The following DPP4 variants were observed in gnomAD, a reference collection of about 807,000 sequenced individuals.
DPP4 encodes the protein ADCP-2.
DPP4 carries 93 observed loss-of-function variants against 122.4 expected under a neutral mutation model. The ratio of observed to expected loss-of-function variants is 0.76; its 90% CI spans 0.64 to 0.90. The LOEUF (loss-of-function observed/expected upper bound fraction) is 0.90, where lower values mean the gene tolerates loss of function less well. Among genes scored for constraint, DPP4 ranks in the 40% least tolerant of loss-of-function variants. The pLI is 0.00. For synonymous variants in DPP4, 321 were observed against 302.9 expected (o/e 1.06, Z -0.62); for missense variants, 914 against 907.3 (o/e 1.01, Z -0.09).
chr2:162,010,641 G>A (rs2106088257), intron 20 of DPP4, among the ~76,000 whole-genome samples: 1 of 152,298 alleles, frequency 6.6e-6, no homozygotes, highest in East Asian at 1.9e-4. Context: ...CTCTCTCATA[G>A]AGGAGCGATC....
At chr2:162,008,437 A>G (rs1701338515) in intron 22 of DPP4, 125 bp downstream of exon 22, 1 of 739,650 alleles carries the variant, frequency 1.4e-6, no homozygotes, top group Non-Finnish European at 2.3e-6. Flanking sequence ...TCCAAAAAGA[A>G]CCTCTAAGAT....
At chr2:162,044,516 C>T (rs1284710757) in intron 5 of DPP4, among the ~76,000 whole-genome samples, 4 of 151,020 alleles carry the variant, frequency 2.6e-5, no homozygotes, top group Non-Finnish European at 5.9e-5. Flanking sequence ...GTTGGTGTCT[C>T]CTCAATATTA....
chr2:162,033,502 A>C (rs1389094954), intron 10 of DPP4, 39 bp downstream of exon 10: 2 of 1,533,132 alleles, frequency 1.3e-6, no homozygotes. Context: ...GAAAGTGTAA[A>C]ACTGTTTACA....
chr2:162,059,601 A>T (rs1684692667), intron 2 of DPP4, among the ~76,000 whole-genome samples: 1 of 152,214 alleles, frequency 6.6e-6, no homozygotes, highest in Non-Finnish European at 1.5e-5. Context: ...GAGTAAAGGA[A>T]ATCTGCATTT....
At chr2:162,013,692 T>A (rs1401762925) in intron 19 of DPP4, among the ~76,000 whole-genome samples, 1 of 152,160 alleles carries the variant, frequency 6.6e-6, no homozygotes, top group Non-Finnish European at 1.5e-5. Context: ...ACTAGTGTTG[T>A]TTCATTTTGT....
chr2:162,032,457 GCGGGCAGATCATGAGTCAGGAGTT>G (rs58383476), intron 10 of DPP4, among the ~76,000 whole-genome samples: 2 of 152,246 alleles, frequency 1.3e-5, no homozygotes, highest in East Asian at 3.9e-4. Flanking sequence ...GGAGGCCAAG[GCGGGCAGATCATGAGTCAGGAGTT>G]CGAGACCAGC....
intron 2 of DPP4, among the ~76,000 whole-genome samples, chr2:162,053,435 A>C (rs1410500270): frequency 2.0e-5 from 3 of 152,246 alleles, no homozygotes; most frequent in Non-Finnish European, 4.4e-5. Context: ...TTTAAAAAAA[A>C]AAAACAAAAA....
chr2:162,002,905 GAT>G (rs1243997808), intron 23 of DPP4, among the ~76,000 whole-genome samples: 1 of 152,188 alleles, frequency 6.6e-6, no homozygotes, highest in Admixed American at 6.5e-5. Flanking sequence ...TCTCCACATA[GAT>G]TCAGTTCTCC....
chr2:162,028,064 A>AC lies in DPP4; in HGVS notation c.888-3126_888-3125insG, dbSNP rs1683400768. 5.9e-5 allele frequency among the ~76,000 whole-genome samples: 9 copies of AC among 151,922 alleles called. No individual in the cohort carries two copies. In the South Asian group the frequency reaches 1.9e-3, roughly 32 times the overall value. ...AGATGTCAAAGAATCATTTAAAAAA[A>AC]AAAAAAACAAAAAACTGCCAGGTGC... On this transcript the variant is annotated intron_variant, in intron 10 of 25. Transcript: ENST00000360534.
intron 23 of DPP4, among the ~76,000 whole-genome samples, chr2:162,002,443 CT>C (rs1226035702): frequency 6.6e-6 from 1 of 152,152 alleles, no homozygotes; most frequent in Non-Finnish European, 1.5e-5. Context: ...GGCTATTTAG[CT>C]GAAAACATGG....
At chr2:162,073,362 C>CCTATCTTTTT in intron 2 of DPP4, 37 bp downstream of exon 2, 2 of 1,607,936 alleles carry the variant, frequency 1.2e-6, no homozygotes, top group Non-Finnish European at 1.7e-6. Flanking sequence ...GACCTGAGCT[C>CCTATCTTTTT]CAACTGTCCT....
rs773217685 is a variant in DPP4, at chr2:162,045,927, G to A, written c.286-315C>T. 3.9e-5 allele frequency among the ~76,000 whole-genome samples: 6 copies of A among 152,198 alleles called. No individual in the cohort carries two copies. The South Asian group carries it at 6.2e-4, about 16-fold the overall frequency. On this transcript the variant is annotated intron_variant, in intron 4 of 25. Transcript: ENST00000360534. The stretch of plus-strand genomic sequence containing the variant: ...GCCAGGCATGGGAAAGGACGTGGAT[G>A]TTTAGAGACTCTTTAAGGGTCATGT...
chr2:161,997,985 T>C (rs1414606227), intron 23 of DPP4, among the ~76,000 whole-genome samples: 5 of 152,298 alleles, frequency 3.3e-5, no homozygotes, highest in Middle Eastern at 3.4e-3. Flanking sequence ...AAATAAAATG[T>C]TAATTAACTG....
chr2:161,993,346 T>C lies in DPP4; in HGVS notation c.2238A>G (p.Thr746=), dbSNP rs139836605. 9.3e-6 allele frequency: 15 copies of C among 1,613,776 alleles called. No individual in the cohort carries two copies. The South Asian group carries it at 9.9e-5, about 11-fold the overall frequency. ...TGTGGGTATATATATGTTGGTGTGCTGTGCTGCTAGCTATTCCATGGTCTT... is the reference window on the plus strand; with the variant it reads ...TGTGGGTATATATATGTTGGTGTGCCGTGCTGCTAGCTATTCCATGGTCTT... ...TDEDHGIASS[T]AHQHIYTHMS... Residue 746 remains threonine (T), a synonymous_variant, in exon 26 of 26, where the codon ACA becomes ACG. Coordinates refer to ENST00000360534, the MANE Select transcript of DPP4 (RefSeq NM_001935.4).
chr2:162,028,047 A>G (rs570184370), intron 10 of DPP4, among the ~76,000 whole-genome samples: 139 of 150,620 alleles, frequency 9.2e-4, no homozygotes, highest in South Asian at 3.7e-3. Flanking sequence ...TGAGATGTCA[A>G]AGAATCATTT....
At chr2:162,031,507 G>C (rs559709192) in intron 10 of DPP4, among the ~76,000 whole-genome samples, 46 of 152,240 alleles carry the variant, frequency 3.0e-4, no homozygotes, top group Non-Finnish European at 5.3e-4. Context: ...CTCCCTACAG[G>C]CAGATATTGG....
At chr2:162,046,123 G>A (rs1250022087) in intron 4 of DPP4, among the ~76,000 whole-genome samples, 1 of 152,204 alleles carries the variant, frequency 6.6e-6, no homozygotes, top group Admixed American at 6.5e-5. Flanking sequence ...ATACTCTGGT[G>A]ACACAGTGGC....
At chr2:162,025,155 C>T (rs1326338625) in intron 10 of DPP4, among the ~76,000 whole-genome samples, 1 of 152,082 alleles carries the variant, frequency 6.6e-6, no homozygotes, top group East Asian at 1.9e-4. Context: ...ATATATCCAA[C>T]AGGAAAAGCA....
chr2:162,049,472 T>C (rs1464241880), intron 2 of DPP4, among the ~76,000 whole-genome samples: 1 of 147,214 alleles, frequency 6.8e-6, no homozygotes, highest in East Asian at 2.1e-4. Flanking sequence ...CACTGAGGCC[T>C]GTTGGGGGTG....
Sources: gnomAD v4.1 joint callset for allele counts (sites outside exome capture counted in the v4.1 genomes callset) on GRCh38, gnomAD v4.1.1 for gene constraint, MANE v1.5 for transcripts, NCBI Gene and HGNC (gene_info 2026-07-23, HGNC 2026-07-21) for gene names.